The following MGAT4C variants were observed in gnomAD, a reference collection of about 807,000 sequenced individuals.
MGAT4C encodes the protein MGAT4 family member C, also known as alpha-1,3-mannosyl-glycoprotein 4-beta-N-acetylglucosaminyltransferase C.
MGAT4C carries 19 observed loss-of-function variants against 40.1 expected under a neutral mutation model. The ratio of observed to expected loss-of-function variants is 0.47; its 90% CI spans 0.33 to 0.70. The LOEUF (loss-of-function observed/expected upper bound fraction) is 0.70, where lower values mean the gene tolerates loss of function less well. Ranked by LOEUF, MGAT4C falls within the 30% of genes least tolerant of loss-of-function variation. The pLI is 0.02. For synonymous variants in MGAT4C, 181 were observed against 187.1 expected (o/e 0.97, Z 0.27); for missense variants, 491 against 563.2 (o/e 0.87, Z 1.30).
intron 3 of MGAT4C, among the ~76,000 whole-genome samples, chr12:86,334,554 T>G (rs943978145): frequency 6.6e-6 from 1 of 152,124 alleles, no homozygotes; most frequent in African/African-American, 2.4e-5. Flanking sequence ...GTACCCTAAA[T>G]GTTTAAGAAA....
At chr12:86,414,716 A>G (rs769325264) in intron 3 of MGAT4C, among the ~76,000 whole-genome samples, 8 of 152,112 alleles carry the variant, frequency 5.3e-5, no homozygotes, top group Non-Finnish European at 1.2e-4. Context: ...AGGAGATTAG[A>G]TATTTTGCTA....
chr12:86,461,269 C>A (rs1407567444), intron 2 of MGAT4C, among the ~76,000 whole-genome samples: 5 of 138,952 alleles, frequency 3.6e-5, no homozygotes, highest in African/African-American at 1.1e-4. Flanking sequence ...GACGGAGTCT[C>A]GCTCTGTCGC....
At chr12:86,426,972 G>A (rs1314863566) in intron 3 of MGAT4C, among the ~76,000 whole-genome samples, 3 of 151,830 alleles carry the variant, frequency 2.0e-5, no homozygotes, top group Non-Finnish European at 2.9e-5. Flanking sequence ...AGAAGAGAGA[G>A]AGAGAGAGAA....
At chr12:86,415,806 C>T (rs565097506) in intron 3 of MGAT4C, among the ~76,000 whole-genome samples, 4 of 152,060 alleles carry the variant, frequency 2.6e-5, no homozygotes, top group Admixed American at 1.3e-4. Flanking sequence ...ATGGGTATGT[C>T]CATACAACAA....
rs112574421 is a variant in MGAT4C at position 86,500,958 on chromosome 12, G to A, written c.-228-65693C>T. Among the ~76,000 whole-genome samples the A allele has an allele frequency of 3.3e-3, 501 of 152,098 alleles. 2 individuals are homozygous for A. The highest frequency in any genetic ancestry group is 0.012 in the African/African-American group (484 of 41,530). On this transcript the variant is annotated intron_variant, in intron 2 of 7. Coordinates refer to the MGAT4C transcript ENST00000548651. ...ATTTATCAAATTGAAAAATGAAATA[G>A]ATAATAGTATAATTGCTATACATAA...
intron 2 of MGAT4C, among the ~76,000 whole-genome samples, chr12:86,586,857 T>C (rs910970903): frequency 3.0e-4 from 46 of 152,180 alleles, no homozygotes; most frequent in Non-Finnish European, 5.3e-4. Context: ...TATTAGCCCT[T>C]TGTCAGATGA....
At chr12:86,080,223 C>CT (rs1870573653) in intron 1 of MGAT4C, among the ~76,000 whole-genome samples, 1 of 152,108 alleles carries the variant, frequency 6.6e-6, no homozygotes, top group African/African-American at 2.4e-5. Flanking sequence ...AACATTCTGG[C>CT]TTTAGTTATA....
chr12:85,993,909 G>A (rs117558092), intron 2 of MGAT4C, among the ~76,000 whole-genome samples: 9 of 152,162 alleles, frequency 5.9e-5, no homozygotes, highest in Admixed American at 1.3e-4. Flanking sequence ...CAGTGCCTAC[G>A]CAGGCACCCC....
intron 2 of MGAT4C, among the ~76,000 whole-genome samples, chr12:86,463,105 C>T (rs1376708678): frequency 6.6e-6 from 1 of 152,132 alleles, no homozygotes; most frequent in East Asian, 1.9e-4. Flanking sequence ...ATGGAGCCTA[C>T]ATCTGGAGCC....
chr12:86,798,370 C>T (rs893388211), intron 1 of MGAT4C, among the ~76,000 whole-genome samples: 1 of 151,918 alleles, frequency 6.6e-6, no homozygotes, highest in South Asian at 2.1e-4. Flanking sequence ...AATCTACTTT[C>T]GACTTAATGT....
chr12:86,470,045 A>C (rs1957736574), intron 2 of MGAT4C, among the ~76,000 whole-genome samples: 1 of 152,090 alleles, frequency 6.6e-6, no homozygotes, highest in Admixed American at 6.6e-5. Flanking sequence ...GTATGTATAC[A>C]CCACATTTTA....
At chr12:86,822,449 A>G (rs2136227854) in intron 1 of MGAT4C, among the ~76,000 whole-genome samples, 1 of 151,298 alleles carries the variant, frequency 6.6e-6, no homozygotes, top group African/African-American at 2.4e-5. Context: ...GCTGTCTACA[A>G]AAATCTCTCT....
intron 2 of MGAT4C, among the ~76,000 whole-genome samples, chr12:86,567,941 G>A (rs940200114): frequency 1.3e-5 from 2 of 152,130 alleles, no homozygotes; most frequent in Non-Finnish European, 2.9e-5. Flanking sequence ...AAAGATTAGT[G>A]TGCTTCTGGT....
At chr12:86,026,659 T>C (rs1333283745) in intron 2 of MGAT4C, among the ~76,000 whole-genome samples, 2 of 152,018 alleles carry the variant, frequency 1.3e-5, no homozygotes, top group Non-Finnish European at 2.9e-5. Flanking sequence ...TTATGAGAGA[T>C]ACTTCCAGCT....
chr12:86,026,831 A>G (rs1387393877), intron 2 of MGAT4C, among the ~76,000 whole-genome samples: 3 of 151,892 alleles, frequency 2.0e-5, no homozygotes, highest in Non-Finnish European at 4.4e-5. Context: ...AGCTCTTCCA[A>G]TCTGTGTGTG....
chr12:86,712,409 A>T (rs11104051), intron 2 of MGAT4C, among the ~76,000 whole-genome samples: 7,293 of 152,140 alleles, frequency 0.048, 210 homozygotes, highest in Non-Finnish European at 0.062. Flanking sequence ...AATAAGAAAA[A>T]CTTCAGACAG....
intron 1 of MGAT4C, among the ~76,000 whole-genome samples, chr12:86,119,964 AT>A (rs1418270819): frequency 6.6e-6 from 1 of 151,762 alleles, no homozygotes; most frequent in East Asian, 1.9e-4. Context: ...TATTTCCTTT[AT>A]TTGGTGGCAT....
intron 1 of MGAT4C, among the ~76,000 whole-genome samples, chr12:86,093,650 C>T (rs1873311553): frequency 6.6e-6 from 1 of 151,956 alleles, no homozygotes; most frequent in Admixed American, 6.6e-5. Context: ...ATCGCTTGAA[C>T]CTGGGAGGTG....
chr12:86,034,922 T>G lies in MGAT4C; in HGVS notation c.-7+14752A>C, dbSNP rs141998398. Among the ~76,000 whole-genome samples the G allele has an allele frequency of 2.1e-3, 311 of 150,312 alleles. 7 individuals carry two copies. The highest frequency in any genetic ancestry group is 7.1e-3 in the African/African-American group (294 of 41,404). On this transcript the variant is annotated intron_variant, in intron 2 of 4. Transcript: ENST00000611864. ...AAGAACATGAACTCATCCTTTTTTA[T>G]GGCTGCATAGTATTCCATAGTGTAT...
Sources: gnomAD v4.1 joint callset for allele counts (sites outside exome capture counted in the v4.1 genomes callset) on GRCh38, gnomAD v4.1.1 for gene constraint, MANE v1.5 for transcripts, NCBI Gene and HGNC (gene_info 2026-07-23, HGNC 2026-07-21) for gene names.